The following TMEM132C variants were observed in gnomAD, a reference collection of about 807,000 sequenced individuals.
TMEM132C encodes the protein protein phosphatase 1, regulatory subunit 152.
TMEM132C carries 29 observed loss-of-function variants against 61.4 expected under a neutral mutation model. The ratio of observed to expected loss-of-function variants is 0.47; its 90% CI spans 0.35 to 0.64. The LOEUF (loss-of-function observed/expected upper bound fraction) is 0.64, where lower values mean the gene tolerates loss of function less well. Ranked by LOEUF, TMEM132C falls within the 30% of genes least tolerant of loss-of-function variation. TMEM132C has a pLI of 0.00. For synonymous variants in TMEM132C, 656 were observed against 633.1 expected, an observed-to-expected ratio of 1.04 and a Z score of -0.54; for missense variants, 1,408 against 1,476.9, an observed-to-expected ratio of 0.95 and a Z score of 0.76.
At chr12:128,626,946 C>T (rs576261134) in intron 4 of TMEM132C, among the ~76,000 whole-genome samples, 2 of 152,166 alleles carry the variant, frequency 1.3e-5, no homozygotes, top group Non-Finnish European at 2.9e-5. Flanking sequence ...CCCAGCCTGC[C>T]GAGTCAAGGG....
chr12:128,324,918 A>T (rs1364778866), intron 1 of TMEM132C, among the ~76,000 whole-genome samples: 1 of 152,232 alleles, frequency 6.6e-6, no homozygotes, highest in African/African-American at 2.4e-5. Flanking sequence ...TTCTACATTC[A>T]ATTACATTAA....
In TMEM132C at chr12:128,665,859, A is replaced by ACG. The variant is rs200802847; in HGVS notation, c.1306-3558_1306-3557insCG. ...CACAAACACAGGCACACACACACAC[A>ACG]TACACACAGGCACACGTACCCATAA... On this transcript the variant is annotated intron_variant, in intron 4 of 8. Transcript: ENST00000435159. Among the ~76,000 whole-genome samples the ACG allele has an allele frequency of 2.4e-3, 343 of 144,910 alleles. 5 individuals are homozygous for ACG. Among genetic ancestry groups the ACG allele is most frequent in the South Asian group, 5.0e-3 (23 of 4,596 alleles).
Position 128,657,581 on chromosome 12 carries a change from G to A in TMEM132C, c.1306-11836G>A, listed in dbSNP as rs150508361. On this transcript the variant is annotated intron_variant, in intron 4 of 8. Transcript: ENST00000435159. ...GCTCGATCTGATTGGATCCTGGACC[G>A]TATTATGCAGTGTCCTGTTCTTAAT... Among the ~76,000 whole-genome samples, 414 of 152,244 alleles carry A rather than the reference G, an allele frequency of 2.7e-3. 3 individuals are homozygous for A. The highest frequency in any genetic ancestry group is 8.6e-3 in the African/African-American group (356 of 41,524).
chr12:128,290,874 T>C (rs1871226507), intron 1 of TMEM132C, among the ~76,000 whole-genome samples: 1 of 151,854 alleles, frequency 6.6e-6, no homozygotes. Flanking sequence ...AAATAAGTGA[T>C]TTCCCAATTT....
At chr12:128,345,213 A>G (rs1166681976) in intron 1 of TMEM132C, among the ~76,000 whole-genome samples, 2 of 152,084 alleles carry the variant, frequency 1.3e-5, no homozygotes, top group African/African-American at 4.8e-5. Context: ...AGCTCCATCC[A>G]TGCCCCTGCG....
chr12:128,624,452 G>A (rs1275981081), intron 4 of TMEM132C, among the ~76,000 whole-genome samples: 1 of 150,346 alleles, frequency 6.7e-6, no homozygotes. Flanking sequence ...GCTGAGGCAG[G>A]AGAATTGCTT....
At chr12:128,367,759 A>G (rs565692565) in intron 1 of TMEM132C, among the ~76,000 whole-genome samples, 2 of 152,302 alleles carry the variant, frequency 1.3e-5, no homozygotes, top group South Asian at 4.1e-4. Flanking sequence ...AAAAAATCAC[A>G]TGAATAATTT....
chr12:128,388,658 G>T (rs148597711), intron 1 of TMEM132C, among the ~76,000 whole-genome samples: 1 of 152,346 alleles, frequency 6.6e-6, no homozygotes, highest in Non-Finnish European at 1.5e-5. Flanking sequence ...GGCCCCGCAG[G>T]CCCTGCCATC....
At chr12:128,393,339 C>T (rs1033530131) in intron 1 of TMEM132C, among the ~76,000 whole-genome samples, 3 of 152,170 alleles carry the variant, frequency 2.0e-5, no homozygotes, top group African/African-American at 4.8e-5. Context: ...CAGTCAGACA[C>T]GTCTCAGGAT....
intron 5 of TMEM132C, among the ~76,000 whole-genome samples, chr12:128,683,847 T>A (rs1954653812): frequency 6.6e-6 from 1 of 152,082 alleles, no homozygotes; most frequent in African/African-American, 2.4e-5. Flanking sequence ...ATGCCTGTCG[T>A]CCCAAGTACT....
chr12:128,357,071 A>G (rs1254755572), intron 1 of TMEM132C, among the ~76,000 whole-genome samples: 1 of 152,220 alleles, frequency 6.6e-6, no homozygotes, highest in Non-Finnish European at 1.5e-5. Flanking sequence ...ATTAAGTTAA[A>G]TACAGAATTA....
chr12:128,371,251 C>A (rs1874020383), intron 1 of TMEM132C, among the ~76,000 whole-genome samples: 1 of 152,160 alleles, frequency 6.6e-6, no homozygotes, highest in African/African-American at 2.4e-5. Context: ...CTCATAGCAG[C>A]ACATGGATTT....
At chr12:128,534,836 A>C (rs10773551) in intron 2 of TMEM132C, among the ~76,000 whole-genome samples, 1 of 152,056 alleles carries the variant, frequency 6.6e-6, no homozygotes, top group African/African-American at 2.4e-5. Flanking sequence ...TCCTTCTCCC[A>C]CCCCATCCAG....
intron 1 of TMEM132C, among the ~76,000 whole-genome samples, chr12:128,295,593 C>G (rs1244485769): frequency 6.7e-6 from 1 of 149,588 alleles, no homozygotes; most frequent in Non-Finnish European, 1.5e-5. Context: ...TACCCGACTT[C>G]TTAGACTTGC....
At chr12:128,596,256 G>T (rs546354863) in intron 3 of TMEM132C, among the ~76,000 whole-genome samples, 63 of 145,780 alleles carry the variant, frequency 4.3e-4, no homozygotes, top group South Asian at 2.2e-3. Context: ...CTGATCCCAT[G>T]TTCTGTCCAT....
chr12:128,442,200 G>C (rs566038954), intron 2 of TMEM132C, among the ~76,000 whole-genome samples: 3 of 152,158 alleles, frequency 2.0e-5, no homozygotes, highest in Admixed American at 1.3e-4. Flanking sequence ...GTCATCACTT[G>C]CTCCCTCCCC....
intron 4 of TMEM132C, among the ~76,000 whole-genome samples, chr12:128,666,838 A>C (rs938402095): frequency 2.6e-5 from 4 of 152,254 alleles, no homozygotes; most frequent in African/African-American, 7.2e-5. Flanking sequence ...TATATGTCCG[A>C]GGCAGGTGGA....
chr12:128,605,876 G>A (rs1876406473), intron 3 of TMEM132C, among the ~76,000 whole-genome samples: 1 of 152,216 alleles, frequency 6.6e-6, no homozygotes, highest in Non-Finnish European at 1.5e-5. Context: ...CATTTGTGGG[G>A]TCTTTAGAGC....
intron 5 of TMEM132C, among the ~76,000 whole-genome samples, chr12:128,691,733 G>T (rs2135650861): frequency 6.6e-6 from 1 of 150,712 alleles, no homozygotes; most frequent in Non-Finnish European, 1.5e-5. Flanking sequence ...CTATCCAGCT[G>T]TCTACCCATT....
Sources: allele counts gnomAD v4.1 joint callset (sites outside exome capture counted in the v4.1 genomes callset), GRCh38; gene constraint gnomAD v4.1.1; transcripts MANE v1.5; gene names NCBI Gene and HGNC (gene_info 2026-07-23, HGNC 2026-07-21).